TANC1: variants seen among roughly 807,000 people sequenced by gnomAD.
The protein encoded by TANC1 is tetratricopeptide repeat, ankyrin repeat and coiled-coil containing 1.
TANC1 carries 77 observed loss-of-function variants against 149.7 expected under a neutral mutation model. The observed-to-expected ratio is 0.51, with a 90% CI of 0.43 to 0.62. The LOEUF (loss-of-function observed/expected upper bound fraction) is 0.62. Among genes scored for constraint, TANC1 ranks in the 20% least tolerant of loss-of-function variants. TANC1 has a pLI of 0.00. For missense variants in TANC1, 1,985 were observed against 2,321.8 expected, an observed-to-expected ratio of 0.85 and a Z score of 2.98; for synonymous variants, 854 against 925.0, an observed-to-expected ratio of 0.92 and a Z score of 1.39.
At chr2:159,030,968 G>C (rs1385700388) in intron 2 of TANC1, among the ~76,000 whole-genome samples, 3 of 152,238 alleles carry the variant, frequency 2.0e-5, no homozygotes, top group African/African-American at 7.2e-5. Flanking sequence ...CCTGACACAG[G>C]CACCCATGTC....
Position 159,231,050 on chromosome 2 carries a change from G to C in TANC1, c.*38G>C, listed in dbSNP as rs746216024. 59 of 1,462,664 alleles carry C rather than the reference G, an allele frequency of 4.0e-5. No homozygotes were observed. The Middle Eastern group carries it at 7.1e-4, about 18-fold the overall frequency. The allele number at this position is 1,462,664 out of a possible 1,614,324, so 90.6% of individuals were successfully genotyped here. On this transcript the variant is annotated 3_prime_UTR_variant, in exon 27 of 27. Transcript: ENST00000263635. ...CCCCATTTGTGGAATTTGGAAACGT[G>C]TGTTGACTCCTGGTGGTAAATTAAA...
At chr2:159,020,523 C>T (rs74910839) in intron 2 of TANC1, among the ~76,000 whole-genome samples, 6,926 of 151,704 alleles carry the variant, frequency 0.046, 495 homozygotes, top group African/African-American at 0.16. Context: ...CAAACCTAAA[C>T]TTCTTTTTTT....
At chr2:159,150,777 T>TAA (rs11290702) in intron 7 of TANC1, 17 of 362,656 alleles carry the variant, frequency 4.7e-5, no homozygotes, top group East Asian at 1.0e-4. Flanking sequence ...GCTCATTTGT[T>TAA]AAAAAAAAAA....
chr2:159,190,748 C>T (rs565779104), intron 16 of TANC1, among the ~76,000 whole-genome samples: 5 of 152,232 alleles, frequency 3.3e-5, no homozygotes, highest in African/African-American at 1.2e-4. Context: ...GACTCAGTTT[C>T]ACCATATTGG....
intron 9 of TANC1, among the ~76,000 whole-genome samples, 169 bp downstream of exon 9, chr2:159,169,541 T>C (rs2054961603): frequency 6.6e-6 from 1 of 152,202 alleles, no homozygotes; most frequent in Admixed American, 6.5e-5. Flanking sequence ...CCTCAACAGT[T>C]TGGGGCTTCT....
At chr2:159,197,282 A>T (rs936125197) in intron 18 of TANC1, among the ~76,000 whole-genome samples, 3 of 152,234 alleles carry the variant, frequency 2.0e-5, no homozygotes, top group African/African-American at 4.8e-5. Flanking sequence ...AACTCCATGC[A>T]GTAGTTAAAT....
intron 21 of TANC1, 42 bp downstream of exon 21, chr2:159,219,403 CAGAG>C: frequency 1.2e-6 from 2 of 1,612,576 alleles, no homozygotes; most frequent in Non-Finnish European, 8.5e-7. Context: ...TGGACGGACA[CAGAG>C]AGAACTTCAG....
chr2:159,180,082 G>A (rs6737965), intron 14 of TANC1, among the ~76,000 whole-genome samples: 19,135 of 152,160 alleles, frequency 0.13, 1,506 homozygotes, highest in East Asian at 0.3. Context: ...AGCCCTGGGA[G>A]CCTCACAGCC....
At chr2:159,028,733 T>C (rs980158175) in intron 2 of TANC1, among the ~76,000 whole-genome samples, 2 of 152,320 alleles carry the variant, frequency 1.3e-5, no homozygotes, top group Admixed American at 1.3e-4. Context: ...ACCATTCTGC[T>C]CTGCTTCTAT....
chr2:159,025,189 T>TTTTCTTTCTTTTTCTTTCTTTCTTTC (rs2039188038), intron 2 of TANC1, among the ~76,000 whole-genome samples: 1 of 105,222 alleles, frequency 9.5e-6, no homozygotes. Flanking sequence ...TTTTTCTTTC[T>TTTTCTTTCTTTTTCTTTCTTTCTTTC]TTTCTTTCTT....
At chr2:159,115,883 G>A (rs1277694457) in intron 4 of TANC1, among the ~76,000 whole-genome samples, 4 of 152,060 alleles carry the variant, frequency 2.6e-5, no homozygotes, top group Non-Finnish European at 5.9e-5. Flanking sequence ...GTTGGTCCTG[G>A]GATTCCAAGT....
At chr2:159,163,147 T>C in intron 7 of TANC1, 136 bp from the exon 8 acceptor site, 1 of 852,614 alleles carries the variant, frequency 1.2e-6, no homozygotes, top group Non-Finnish European at 1.8e-6. Flanking sequence ...ATACATTGTA[T>C]GGAACATACT....
intron 2 of TANC1, among the ~76,000 whole-genome samples, chr2:159,017,331 C>G (rs1257567388): frequency 6.6e-6 from 1 of 152,188 alleles, no homozygotes; most frequent in African/African-American, 2.4e-5. Context: ...TATTCTCTCA[C>G]TTTGAATTAC....
rs1458128316 is a variant in TANC1, at chr2:159,001,491, TA to T, written c.-16+307del. On this transcript the variant is annotated intron_variant, in intron 2 of 26. Transcript: ENST00000263635. This position sits in a 1 kb window ranked among gnomAD's most constrained non-coding sequence, Gnocchi z 4.3. The stretch of plus-strand genomic sequence containing the variant: ...GCTTAGTGCTACTGAACTATATACT[TA>T]AAAATGGTTAAAACGGTAAATTTTA... 1.3e-5 allele frequency among the ~76,000 whole-genome samples: 2 copies of T among 152,176 alleles called. No individual in the cohort carries two copies. The highest frequency in any genetic ancestry group is 6.5e-5 in the Admixed American group (1 of 15,276).
intron 2 of TANC1, among the ~76,000 whole-genome samples, chr2:159,060,815 G>T (rs1490202555): frequency 6.6e-6 from 1 of 152,162 alleles, no homozygotes; most frequent in African/African-American, 2.4e-5. Flanking sequence ...AGGTGGTCAT[G>T]GTTCTGATAT....
At chr2:159,187,692 C>G (rs561594235) in intron 16 of TANC1, among the ~76,000 whole-genome samples, 143 of 152,210 alleles carry the variant, frequency 9.4e-4, no homozygotes, top group African/African-American at 3.3e-3. Context: ...CCTGATGTAC[C>G]CGGCTGCCTG....
chr2:159,070,820 C>G (rs942907367), intron 3 of TANC1, among the ~76,000 whole-genome samples: 1 of 152,096 alleles, frequency 6.6e-6, no homozygotes, highest in Non-Finnish European at 1.5e-5. Context: ...GGTTCCCTCC[C>G]CTTCAAAAAC....
At chr2:159,164,159 T>A (rs1559374942) in intron 8 of TANC1, among the ~76,000 whole-genome samples, 1 of 152,066 alleles carries the variant, frequency 6.6e-6, no homozygotes, top group South Asian at 2.1e-4. Context: ...GTAGTCAGAC[T>A]GGTCACCAGG....
intron 16 of TANC1, among the ~76,000 whole-genome samples, chr2:159,188,888 G>A (rs137985756): frequency 9.1e-4 from 138 of 152,334 alleles, no homozygotes; most frequent in African/African-American, 3.0e-3. Context: ...GATCATGGTC[G>A]GAAAATTTCC....
Sources: gnomAD v4.1 joint callset for allele counts (sites outside exome capture counted in the v4.1 genomes callset) on GRCh38, gnomAD v4.1.1 for gene constraint, Gnocchi (gnomAD v3.1) non-coding constraint, MANE v1.5 for transcripts, NCBI Gene and HGNC (gene_info 2026-07-23, HGNC 2026-07-21) for gene names.